Variants in ASTN2 observed in about 807,000 individuals in gnomAD.
ASTN2 encodes astrotactin 2, also known as astrotactin-2.
ASTN2 carries 54 observed loss-of-function variants against 139.8 expected under a neutral mutation model. The observed-to-expected ratio is 0.39, with a 90% confidence interval of 0.31 to 0.48. ASTN2 has a LOEUF of 0.48. Among genes scored for constraint, ASTN2 ranks in the 20% least tolerant of loss-of-function variants. The pLI is 0.95. For synonymous variants in ASTN2, 756 were observed against 719.5 expected (o/e 1.05, Z -0.81); for missense variants, 1,565 against 1,725.1 (o/e 0.91, Z 1.64).
chr9:116,614,213 A>C (rs1371297907), intron 19 of ASTN2, among the ~76,000 whole-genome samples: 2 of 152,200 alleles, frequency 1.3e-5, no homozygotes, highest in African/African-American at 2.4e-5. Context: ...CTGCTCAACA[A>C]AATAAAAGAG....
chr9:117,136,947 T>C (rs907704218), intron 4 of ASTN2, among the ~76,000 whole-genome samples: 1 of 152,190 alleles, frequency 6.6e-6, no homozygotes, highest in Non-Finnish European at 1.5e-5. Context: ...AGTTAGTCAA[T>C]GGTGGAATTA....
intron 19 of ASTN2, among the ~76,000 whole-genome samples, chr9:116,493,904 G>C (rs949693571): frequency 6.6e-6 from 1 of 152,100 alleles, no homozygotes; most frequent in Non-Finnish European, 1.5e-5. Context: ...TTTAGGAGTC[G>C]TCACTCTGGG....
chr9:116,932,105 G>T (rs1197541502), intron 10 of ASTN2, among the ~76,000 whole-genome samples: 4 of 152,166 alleles, frequency 2.6e-5, no homozygotes, highest in African/African-American at 9.7e-5. Flanking sequence ...ATGATGCCAA[G>T]GCCAATGGGA....
chr9:117,224,835 C>G (rs78787619), intron 2 of ASTN2, among the ~76,000 whole-genome samples: 2,393 of 152,210 alleles, frequency 0.016, 66 homozygotes, highest in African/African-American at 0.054. Flanking sequence ...TTCTCTGAAA[C>G]CTGCTTTTTC....
chr9:116,830,159 A>G (rs1831763813), intron 11 of ASTN2, among the ~76,000 whole-genome samples: 1 of 152,236 alleles, frequency 6.6e-6, no homozygotes, highest in Non-Finnish European at 1.5e-5. Flanking sequence ...ACCCCATTAA[A>G]AATTGGGCAA....
intron 3 of ASTN2, among the ~76,000 whole-genome samples, chr9:117,211,502 C>T (rs1307067663): frequency 6.6e-6 from 1 of 152,100 alleles, no homozygotes; most frequent in African/African-American, 2.4e-5. Context: ...TCCTGCTGTG[C>T]CATGTGAAGA....
In ASTN2 at chr9:116,453,593, C is replaced by CAAAAAAAAAAAAAAAAAA. The variant is rs386416019; in HGVS notation, c.3498-11058_3498-11041dup. On this transcript the variant is annotated intron_variant, in intron 20 of 22. Transcript: ENST00000313400. ...TGGGCAAAAGTGCGAGACTCCGTCT[C>CAAAAAAAAAAAAAAAAAA]AAAAAAAAAAAAAAAAAAAAAAAAA... 6.8e-5 allele frequency among the ~76,000 whole-genome samples: 4 copies of CAAAAAAAAAAAAAAAAAA among 58,794 alleles called. No homozygotes were observed. The South Asian group carries it at 3.8e-3, about 56-fold the overall frequency. The allele number at this position is 58,794 out of a possible 152,430, so 38.6% of individuals were successfully genotyped here.
intron 19 of ASTN2, among the ~76,000 whole-genome samples, chr9:116,572,481 C>T (rs1564126015): frequency 6.6e-6 from 1 of 152,120 alleles, no homozygotes; most frequent in Non-Finnish European, 1.5e-5. Flanking sequence ...TATAATTTGC[C>T]GTTGAAAGCG....
chr9:117,348,439 G>A (rs1445880404), intron 1 of ASTN2, among the ~76,000 whole-genome samples: 1 of 152,190 alleles, frequency 6.6e-6, no homozygotes, highest in Non-Finnish European at 1.5e-5. Flanking sequence ...TGTGTCCCAT[G>A]ACACCCTATA....
At position 116,447,024 on chromosome 9, in the gene ASTN2, G is replaced by A. The variant is rs182341614; in HGVS notation, c.3498-4471C>T. On this transcript the variant is annotated intron_variant, in intron 20 of 22. Coordinates refer to ENST00000313400, the MANE Select transcript of ASTN2 (RefSeq NM_001365068.1). Reference sequence around the variant, plus strand: ...TCCTCAACTTGGAACCCCCTCATTTGAGCTCTGGTCAAAGGTCTAGGTGTG... The same window carrying A: ...TCCTCAACTTGGAACCCCCTCATTTAAGCTCTGGTCAAAGGTCTAGGTGTG... 5.3e-5 allele frequency among the ~76,000 whole-genome samples: 8 copies of A among 152,218 alleles called. No homozygotes were observed. In the South Asian group the frequency reaches 1.0e-3, roughly 20 times the overall value.
intron 17 of ASTN2, among the ~76,000 whole-genome samples, chr9:116,630,259 C>T (rs1856681202): frequency 6.6e-6 from 1 of 152,116 alleles, no homozygotes; most frequent in African/African-American, 2.4e-5. Context: ...AAACTCAGAC[C>T]CACGTTTCTC....
chr9:116,889,524 T>G (rs1033350423), intron 10 of ASTN2, among the ~76,000 whole-genome samples: 4 of 151,722 alleles, frequency 2.6e-5, no homozygotes, highest in African/African-American at 9.8e-5. Flanking sequence ...ACCAGGTTGA[T>G]GATTCTCATT....
intron 7 of ASTN2, among the ~76,000 whole-genome samples, chr9:116,994,790 A>G (rs750837279): frequency 2.2e-4 from 34 of 152,188 alleles, no homozygotes; most frequent in Non-Finnish European, 4.1e-4. Context: ...GCCTTCCCTG[A>G]TTGCTAAGGC....
chr9:116,632,228 A>G (rs552292575), intron 17 of ASTN2, among the ~76,000 whole-genome samples: 6 of 137,082 alleles, frequency 4.4e-5, no homozygotes, highest in African/African-American at 8.3e-5. Flanking sequence ...AAAGAAAGAA[A>G]GAAAGAAAGA....
intron 19 of ASTN2, among the ~76,000 whole-genome samples, chr9:116,571,606 C>A (rs79257812): frequency 3.3e-5 from 5 of 152,062 alleles, no homozygotes; most frequent in Non-Finnish European, 7.3e-5. Context: ...ATGTGGCACA[C>A]GGTATGTATA....
intron 10 of ASTN2, among the ~76,000 whole-genome samples, chr9:116,915,156 A>G (rs1042526582): frequency 6.6e-6 from 1 of 152,192 alleles, no homozygotes; most frequent in African/African-American, 2.4e-5. Flanking sequence ...AGATATGTCA[A>G]TGCCATTGAA....
chr9:116,847,023 A>C (rs1485322888), intron 11 of ASTN2, among the ~76,000 whole-genome samples: 9 of 121,106 alleles, frequency 7.4e-5, no homozygotes, highest in South Asian at 2.6e-4. Flanking sequence ...AAAAAAAAAA[A>C]AAACAAAAAA....
intron 4 of ASTN2, among the ~76,000 whole-genome samples, chr9:117,096,690 G>C (rs10983518): frequency 0.25 from 37,418 of 152,160 alleles, 4,968 homozygotes; most frequent in East Asian, 0.49. Flanking sequence ...TCCTAAGGAA[G>C]CTTAAACCTA....
intron 10 of ASTN2, among the ~76,000 whole-genome samples, chr9:116,945,515 C>T (rs1835370496): frequency 6.6e-6 from 1 of 152,106 alleles, no homozygotes; most frequent in South Asian, 2.1e-4. Flanking sequence ...ATCTTTTATT[C>T]ATACATTCAT....
Sources: allele counts gnomAD v4.1 joint callset (sites outside exome capture counted in the v4.1 genomes callset), GRCh38; gene constraint gnomAD v4.1.1; transcripts MANE v1.5; gene names NCBI Gene and HGNC (gene_info 2026-07-23, HGNC 2026-07-21).